Variants in SLCO1B3 observed in about 807,000 individuals in gnomAD.
The protein encoded by SLCO1B3 is solute carrier organic anion transporter family member 1B3.
In SLCO1B3, 72 loss-of-function variants were observed where a neutral mutation model predicts 71.8. That is an observed-to-expected ratio of 1.00 (90% CI 0.83 to 1.22). SLCO1B3 has a LOEUF of 1.22. Among genes scored for constraint, SLCO1B3 ranks in the 50% most tolerant of loss-of-function variants. The pLI, the probability that SLCO1B3 is intolerant of heterozygous loss-of-function variation, is 0.00. For synonymous variants in SLCO1B3, 298 were observed against 278.4 expected (o/e 1.07, Z -0.70); for missense variants, 911 against 819.7 (o/e 1.11, Z -1.36).
rs970148207 is a variant in SLCO1B3 at position 20,903,650 on chromosome 12, C to A, written c.1865+2183C>A. ...CCACCAGACCTCATGAGAACTCACT[C>A]ACTATCTTGAGAACAGAAAGGGAGA... On this transcript the variant is annotated intron_variant, in intron 15 of 15. Coordinates refer to ENST00000381545, the MANE Select transcript of SLCO1B3 (RefSeq NM_019844.4). 2.0e-5 allele frequency among the ~76,000 whole-genome samples: 3 copies of A among 152,224 alleles called. 1 individual carries two copies. In the South Asian group the frequency reaches 6.2e-4, roughly 32 times the overall value.
chr12:20,898,457 A>G lies in SLCO1B3; in HGVS notation c.1704A>G (p.Lys568=). Residue 568 remains lysine (K), a synonymous_variant, in exon 14 of 16, where the codon AAA becomes AAG. Transcript: ENST00000381545. ...TCAGGATTGTTCAACCTGAATTGAAAGCACTTGCAATGGGTTTCCAGTCAA... is the reference window on the plus strand; with the variant it reads ...TCAGGATTGTTCAACCTGAATTGAAGGCACTTGCAATGGGTTTCCAGTCAA... ...LTVKIVQPEL[K]ALAMGFQSMV... is the part of the protein sequence containing the mutation. 1 of 1,599,448 alleles carries G rather than the reference A, an allele frequency of 6.3e-7. No homozygotes were observed. Among genetic ancestry groups the G allele is most frequent in the South Asian group, 1.1e-5 (1 of 90,204 alleles).
chr12:20,912,391 A>G (rs2120457563), intron 15 of SLCO1B3, among the ~76,000 whole-genome samples: 1 of 150,992 alleles, frequency 6.6e-6, no homozygotes, highest in East Asian at 1.9e-4. Context: ...GTGCAGCAGT[A>G]CGATGTCACT....
chr12:20,811,381 C>G (rs1156745389), intron 1 of SLCO1B3, among the ~76,000 whole-genome samples: 1 of 152,156 alleles, frequency 6.6e-6, no homozygotes, highest in Non-Finnish European at 1.5e-5. Flanking sequence ...GTCCCCTTCA[C>G]CCATTCAGGA....
At chr12:20,829,131 A>C (rs978102649) in intron 3 of SLCO1B3, among the ~76,000 whole-genome samples, 5 of 152,252 alleles carry the variant, frequency 3.3e-5, no homozygotes, top group African/African-American at 1.2e-4. Flanking sequence ...GAAACAACAA[A>C]AACAAACAAA....
chr12:20,885,057 C>A (rs1412593760), intron 13 of SLCO1B3, among the ~76,000 whole-genome samples: 1 of 152,022 alleles, frequency 6.6e-6, no homozygotes, highest in Non-Finnish European at 1.5e-5. Flanking sequence ...TAATTGAAAC[C>A]TTTTCATGAG....
chr12:20,817,824 T>C (rs796316530), intron 3 of SLCO1B3, among the ~76,000 whole-genome samples: 57 of 152,114 alleles, frequency 3.7e-4, no homozygotes, highest in African/African-American at 1.3e-3. Flanking sequence ...TCTCCTGACC[T>C]CGTGATCCGC....
chr12:20,860,889 C>A, intron 5 of SLCO1B3, 128 bp from the exon 6 acceptor site: 1 of 955,956 alleles, frequency 1.0e-6, no homozygotes, highest in Non-Finnish European at 1.5e-6. Context: ...GGGAAGTTGA[C>A]AAACAAGATT....
chr12:20,913,498 G>C (rs764058977), intron 15 of SLCO1B3, among the ~76,000 whole-genome samples: 15 of 151,984 alleles, frequency 9.9e-5, no homozygotes, highest in Non-Finnish European at 1.9e-4. Flanking sequence ...GTTCTGTTTT[G>C]TAAAAGGATA....
chr12:20,908,791 G>A (rs561556577), intron 15 of SLCO1B3, among the ~76,000 whole-genome samples: 3 of 152,230 alleles, frequency 2.0e-5, no homozygotes, highest in African/African-American at 4.8e-5. Flanking sequence ...CCTACTGAAG[G>A]ACATCTTGAT....
chr12:20,866,774 G>A (rs1048019873), intron 8 of SLCO1B3, among the ~76,000 whole-genome samples: 4 of 152,062 alleles, frequency 2.6e-5, no homozygotes, highest in Admixed American at 1.3e-4. Context: ...AGGAAGATAA[G>A]TGAGTACCAG....
At chr12:20,915,936 G>A in intron 15 of SLCO1B3, 68 bp from the exon 16 acceptor site, 2 of 1,253,996 alleles carry the variant, frequency 1.6e-6, no homozygotes, top group South Asian at 1.5e-5. Flanking sequence ...GCATACTGGG[G>A]AGAAAAAAAT....
intron 3 of SLCO1B3, among the ~76,000 whole-genome samples, chr12:20,831,711 A>C (rs2121132360): frequency 6.6e-6 from 1 of 152,308 alleles, no homozygotes; most frequent in South Asian, 2.1e-4. Context: ...TAATTACCAA[A>C]AATCTTATTA....
chr12:20,841,788 T>C (rs1864808422), intron 3 of SLCO1B3, among the ~76,000 whole-genome samples: 2 of 152,272 alleles, frequency 1.3e-5, no homozygotes, highest in Middle Eastern at 6.8e-3. Context: ...CCATGTGTAC[T>C]GTTGGGATTT....
chr12:20,880,823 T>G (rs1478840751), intron 11 of SLCO1B3, 32 bp from the exon 12 acceptor site: 1 of 1,480,046 alleles, frequency 6.8e-7, no homozygotes, highest in Non-Finnish European at 9.2e-7. Context: ...CTCTTTCTCT[T>G]TTTTTGATAT....
chr12:20,860,167 G>T (rs1865229701), intron 5 of SLCO1B3, among the ~76,000 whole-genome samples: 1 of 152,038 alleles, frequency 6.6e-6, no homozygotes, highest in East Asian at 1.9e-4. Context: ...GTGTTAGCCA[G>T]GGTGGTCTGG....
At position 20,916,411 on chromosome 12, in the gene SLCO1B3, G is replaced by A; in HGVS notation, c.*164G>A. Reference sequence around the variant, plus strand: ...GGTTAGGATATAGCTATGCCTTTATGGTTAAGATTAGAATATATGATCCAT... The same window carrying A: ...GGTTAGGATATAGCTATGCCTTTATAGTTAAGATTAGAATATATGATCCAT... On this transcript the variant is annotated 3_prime_UTR_variant, in exon 16 of 16. Coordinates refer to ENST00000381545, the MANE Select transcript of SLCO1B3 (RefSeq NM_019844.4). 1 of 578,480 alleles carries A rather than the reference G, an allele frequency of 1.7e-6. No homozygotes were observed. Among genetic ancestry groups the A allele is most frequent in the Non-Finnish European group, 3.0e-6 (1 of 336,938 alleles). 35.8% of individuals were successfully genotyped at this position (578,480 alleles called of 1,614,324 possible).
chr12:20,860,241 C>T (rs1407809619), intron 5 of SLCO1B3, among the ~76,000 whole-genome samples: 2 of 152,186 alleles, frequency 1.3e-5, no homozygotes, highest in Non-Finnish European at 2.9e-5. Flanking sequence ...AGGCGTGAGC[C>T]ACCGCGCCCA....
At chr12:20,854,453 C>T (rs1169856340) in intron 3 of SLCO1B3, among the ~76,000 whole-genome samples, 1 of 152,084 alleles carries the variant, frequency 6.6e-6, no homozygotes, top group African/African-American at 2.4e-5. Flanking sequence ...CTATAATGTC[C>T]TTTGTCTCCT....
At chr12:20,852,370 T>C (rs1050567392) in intron 3 of SLCO1B3, among the ~76,000 whole-genome samples, 63 of 152,224 alleles carry the variant, frequency 4.1e-4, no homozygotes, top group African/African-American at 1.4e-3. Context: ...TACCAGCTAT[T>C]GAGGAGGCTG....
Sources: allele counts gnomAD v4.1 joint callset (sites outside exome capture counted in the v4.1 genomes callset), GRCh38; gene constraint gnomAD v4.1.1; transcripts MANE v1.5; gene names NCBI Gene and HGNC (gene_info 2026-07-23, HGNC 2026-07-21).